Variants in CFAP97D2 observed in about 807,000 individuals in gnomAD.
CFAP97D2 encodes uncharacterized protein CFAP97D2.
At chr13:114,198,349 G>A (rs1012092421) in intron 2 of CFAP97D2, among the ~76,000 whole-genome samples, 2 of 152,220 alleles carry the variant, frequency 1.3e-5, no homozygotes, top group African/African-American at 4.8e-5. Flanking sequence ...AACTGAAGCC[G>A]AGTAACCAGT....
intron 2 of CFAP97D2, 33 bp from the exon 3 acceptor site, chr13:114,200,292 C>T (rs2138769282): frequency 2.5e-6 from 1 of 397,666 alleles, no homozygotes; most frequent in South Asian, 1.3e-4. Flanking sequence ...CGCAATCTGC[C>T]GGCGCTCCTC....
At chr13:114,181,680 A>G (rs78546868) in intron 1 of CFAP97D2, among the ~76,000 whole-genome samples, 227 of 152,324 alleles carry the variant, frequency 1.5e-3, no homozygotes, top group African/African-American at 5.2e-3. Flanking sequence ...TTAGTTTTTT[A>G]TTGCTTGGCT....
At position 114,185,440 on chromosome 13, in the gene CFAP97D2, C is replaced by G. The variant is rs935657224; in HGVS notation, c.90+6020C>G. On this transcript the variant is annotated intron_variant, in intron 1 of 4. Coordinates refer to ENST00000646158, the Ensembl canonical transcript of CFAP97D2. The surrounding 1 kb of genome is among the most constrained non-coding windows in gnomAD (Gnocchi z 5.2). ...GGCCAGGGCTGCACACTCCACGGAG[C>G]CTGTGGGAGCCAGGAATGAGTGGGA... is the stretch of plus-strand genomic sequence containing the variant. Among the ~76,000 whole-genome samples, 4 of 152,118 alleles carry G rather than the reference C, an allele frequency of 2.6e-5. No homozygotes were observed. The highest frequency in any genetic ancestry group is 5.9e-5 in the Non-Finnish European group (4 of 68,016).
chr13:114,183,280 C>T (rs2080843577), intron 1 of CFAP97D2, among the ~76,000 whole-genome samples: 1 of 152,162 alleles, frequency 6.6e-6, no homozygotes, highest in South Asian at 2.1e-4. Context: ...GATTCTCCTG[C>T]CTCAGCCTCC....
Position 114,203,757 on chromosome 13 carries a change from C to G in CFAP97D2, c.290+3314C>G, listed in dbSNP as rs61482428. On this transcript the variant is annotated intron_variant, in intron 3 of 4. Coordinates refer to ENST00000646158, the Ensembl canonical transcript of CFAP97D2. The surrounding 1 kb of genome is among the most constrained non-coding windows in gnomAD (Gnocchi z 4.3). The stretch of plus-strand genomic sequence containing the variant: ...CGTGGCTTCACCCGTTTCCCCAGTG[C>G]GCATGTGGGCATGTGCAGACAAGGC... Among the ~76,000 whole-genome samples the G allele has an allele frequency of 0.16, 25,100 of 152,246 alleles. 2,388 individuals are homozygous for G. Among genetic ancestry groups the G allele is most frequent in the Non-Finnish European group, 0.2 (13,891 of 67,994 alleles).
intron 1 of CFAP97D2, among the ~76,000 whole-genome samples, chr13:114,190,712 C>T (rs1362792382): frequency 6.6e-6 from 1 of 152,112 alleles, no homozygotes; most frequent in Admixed American, 6.6e-5. Context: ...CCAATTTGAT[C>T]TATAGATTCA....
chr13:114,192,898 C>A (rs1219933745), intron 1 of CFAP97D2, among the ~76,000 whole-genome samples: 1 of 152,100 alleles, frequency 6.6e-6, no homozygotes, highest in Non-Finnish European at 1.5e-5. Context: ...TATTTTGACA[C>A]AATTCAACAC....
chr13:114,207,460 A>C lies in CFAP97D2; in HGVS notation c.291-4452A>C, dbSNP rs1328630940. On this transcript the variant is annotated intron_variant, in intron 3 of 4. Coordinates refer to ENST00000646158, the Ensembl canonical transcript of CFAP97D2. This position sits in a 1 kb window ranked among gnomAD's most constrained non-coding sequence, Gnocchi z 4.9. The stretch of plus-strand genomic sequence containing the variant: ...CTAGGGATCGTGTGGAGACAGTGAC[A>C]GATCATCAGGCATTAGATTTTCATA... Among the ~76,000 whole-genome samples, 4 of 152,156 alleles carry C rather than the reference A, an allele frequency of 2.6e-5. No individual in the cohort carries two copies. The South Asian group carries it at 8.3e-4, about 32-fold the overall frequency.
At chr13:114,198,354 A>T (rs970549361) in intron 2 of CFAP97D2, among the ~76,000 whole-genome samples, 65 of 152,350 alleles carry the variant, frequency 4.3e-4, no homozygotes, top group African/African-American at 1.5e-3. Flanking sequence ...AAGCCGAGTA[A>T]CCAGTCTCCA....
chr13:114,182,356 T>C (rs923419223), intron 1 of CFAP97D2, among the ~76,000 whole-genome samples: 18 of 152,284 alleles, frequency 1.2e-4, no homozygotes, highest in East Asian at 7.7e-4. Context: ...TATCTCAGAA[T>C]TGAACAAATG....
intron 2 of CFAP97D2, among the ~76,000 whole-genome samples, chr13:114,197,063 G>A (rs1449322756): frequency 1.3e-5 from 2 of 152,148 alleles, no homozygotes; most frequent in Admixed American, 6.5e-5. Flanking sequence ...TGCAGATGAA[G>A]CCTCCAGGTA....
downstream of CFAP97D2, chr13:114,222,727 G>A (rs1388967881): frequency 7.7e-6 from 3 of 389,692 alleles, no homozygotes; most frequent in South Asian, 1.4e-4. The surrounding 1 kb of genome is among the most constrained non-coding windows in gnomAD (Gnocchi z 4.4). Context: ...GGGCAGCCCC[G>A]CTGTCTTCCT....
intron 3 of CFAP97D2, 94 bp downstream of exon 3, chr13:114,200,537 G>A (rs754842577): frequency 7.1e-5 from 28 of 395,846 alleles, no homozygotes; most frequent in Non-Finnish European, 1.2e-4. Flanking sequence ...GCCCGTGGGT[G>A]GGAGTCGAGG....
At chr13:114,215,077 C>T (rs980068108) in intron 4 of CFAP97D2, among the ~76,000 whole-genome samples, 13 of 152,054 alleles carry the variant, frequency 8.5e-5, no homozygotes, top group Admixed American at 8.5e-4. Flanking sequence ...CAAAGGTAAG[C>T]ACATTTAGAT....
At chr13:114,194,092 G>T (rs906703329) in intron 1 of CFAP97D2, among the ~76,000 whole-genome samples, 1 of 152,214 alleles carries the variant, frequency 6.6e-6, no homozygotes, top group Non-Finnish European at 1.5e-5. Flanking sequence ...AACCTAGTAA[G>T]TTTCTTGCCA....
Position 114,204,386 on chromosome 13 carries a change from C to T in CFAP97D2, c.290+3943C>T, listed in dbSNP as rs796995992. ...GACTTGTCGCTTACCTGCTTTATCT[C>T]TTTGCTTTCCCTTGGTCCCACCAGC... On this transcript the variant is annotated intron_variant, in intron 3 of 4. Transcript: ENST00000646158. 1.8e-4 allele frequency among the ~76,000 whole-genome samples: 27 copies of T among 152,322 alleles called. 1 individual carries two copies. The highest frequency in any genetic ancestry group is 6.0e-4 in the African/African-American group (25 of 41,570).
Position 114,189,928 on chromosome 13 carries a change from G to A in CFAP97D2, c.91-6468G>A, listed in dbSNP as rs2080863442. 6.6e-6 allele frequency among the ~76,000 whole-genome samples: 1 copy of A among 152,114 alleles called. No individual in the cohort carries two copies. Among genetic ancestry groups the A allele is most frequent in the East Asian group, 1.9e-4 (1 of 5,196 alleles). ...TGGCTGAAGAGGGAGGATCACTTGA[G>A]CCCAGGAGTTTGAGAACAGCTTGAG... On this transcript the variant is annotated intron_variant, in intron 1 of 4. Transcript: ENST00000646158. The surrounding 1 kb of genome is among the most constrained non-coding windows in gnomAD (Gnocchi z 4.5).
chr13:114,184,056 C>T (rs1444958284), intron 1 of CFAP97D2, among the ~76,000 whole-genome samples: 1 of 152,162 alleles, frequency 6.6e-6, no homozygotes, highest in Non-Finnish European at 1.5e-5. Context: ...GAGGCTGAGA[C>T]AGGAGGATCA....
Position 114,198,733 on chromosome 13 carries a change from G to T in CFAP97D2, c.172-1592G>T, listed in dbSNP as rs1275297691. Among the ~76,000 whole-genome samples, 153 of 65,016 alleles carry T rather than the reference G, an allele frequency of 2.4e-3. 16 individuals are homozygous for T. Among genetic ancestry groups the T allele is most frequent in the Admixed American group, 0.013 (90 of 6,714 alleles). The allele number at this position is 65,016 out of a possible 152,430, so 42.7% of individuals were successfully genotyped here. ...GAGGGGTGACGGCGCGTCCCCGTGT[G>T]TACAGTCCCCGCTGAGGGGTGACGG... is the stretch of plus-strand genomic sequence containing the variant. On this transcript the variant is annotated intron_variant, in intron 2 of 4. Transcript: ENST00000646158.
Sources: gnomAD v4.1 joint callset for allele counts (sites outside exome capture counted in the v4.1 genomes callset) on GRCh38, gnomAD v4.1.1 for gene constraint, Gnocchi (gnomAD v3.1) non-coding constraint, MANE v1.5 for transcripts, NCBI Gene and HGNC (gene_info 2026-07-23, HGNC 2026-07-21) for gene names.